Variants in PRSS23 observed in about 807,000 individuals in gnomAD.
PRSS23 encodes the protein serine protease 23.
Under a neutral mutation model 34.7 loss-of-function variants are expected in PRSS23, and 25 were observed. The ratio of observed to expected loss-of-function variants is 0.72; its 90% confidence interval spans 0.53 to 1.01. The LOEUF is 1.01. Ranked by LOEUF, PRSS23 falls within the 50% of genes least tolerant of loss-of-function variation. The probability of loss-of-function intolerance (pLI) is 0.00; values close to 1 mark genes in which losing one functional copy is unlikely to be tolerated. For synonymous variants in PRSS23, 176 were observed against 186.6 expected, an observed-to-expected ratio of 0.94 and a Z score of 0.46; for missense variants, 445 against 475.6, an observed-to-expected ratio of 0.94 and a Z score of 0.60.
At chr11:86,882,660 C>T (rs1445098070) in intron 2 of PRSS23, among the ~76,000 whole-genome samples, 2 of 152,166 alleles carry the variant, frequency 1.3e-5, no homozygotes, top group South Asian at 2.1e-4. Flanking sequence ...CTGCAATGAA[C>T]ATACATGTAC....
chr11:86,841,367 A>G (rs1456670309), intron 2 of PRSS23, among the ~76,000 whole-genome samples: 1 of 151,134 alleles, frequency 6.6e-6, no homozygotes, highest in Non-Finnish European at 1.5e-5. Flanking sequence ...AAGAAAAAAA[A>G]AAAAGAACAA....
At chr11:86,872,981 CTCA>C (rs2134949465) in intron 2 of PRSS23, among the ~76,000 whole-genome samples, 1 of 152,160 alleles carries the variant, frequency 6.6e-6, no homozygotes, top group Admixed American at 6.5e-5. Context: ...GAACTCAGTT[CTCA>C]TCATTCAATG....
At position 86,810,677 on chromosome 11, in the gene PRSS23, C is replaced by T. The variant is rs920455187; in HGVS notation, c.*1882C>T. Reference sequence around the variant, plus strand: ...AAATAGATGTTCCTTTTGTGAAGCACCTTGATTCCTTGATTTTGATTTTTT... The same window carrying T: ...AAATAGATGTTCCTTTTGTGAAGCATCTTGATTCCTTGATTTTGATTTTTT... On this transcript the variant is annotated 3_prime_UTR_variant, in exon 2 of 2. Coordinates refer to ENST00000280258, the MANE Select transcript of PRSS23 (RefSeq NM_007173.6). The T allele has an allele frequency of 6.0e-6, 1 of 166,908 alleles. No homozygotes were observed. The highest frequency in any genetic ancestry group is 2.4e-5 in the African/African-American group (1 of 41,392). 10.3% of individuals were successfully genotyped at this position (166,908 alleles called of 1,614,324 possible).
intron 2 of PRSS23, among the ~76,000 whole-genome samples, chr11:86,863,516 A>G (rs1327355870): frequency 6.6e-6 from 1 of 152,210 alleles, no homozygotes; most frequent in African/African-American, 2.4e-5. Flanking sequence ...TCAGTCTACT[A>G]CATTCCTTGC....
chr11:86,845,553 G>A (rs1010253209), intron 2 of PRSS23, among the ~76,000 whole-genome samples: 1 of 152,192 alleles, frequency 6.6e-6, no homozygotes, highest in African/African-American at 2.4e-5. Flanking sequence ...GAGAGGAGGT[G>A]CCAGCTGGGC....
chr11:86,895,420 T>G (rs570907102), intron 2 of PRSS23, among the ~76,000 whole-genome samples: 6 of 151,902 alleles, frequency 3.9e-5, no homozygotes, highest in Admixed American at 6.6e-5. Flanking sequence ...TCATTAATAT[T>G]AGAATACTAA....
chr11:86,830,329 T>G (rs565719042), intron 2 of PRSS23, among the ~76,000 whole-genome samples: 25 of 152,332 alleles, frequency 1.6e-4, no homozygotes, highest in African/African-American at 6.0e-4. Flanking sequence ...TGCATCGTTT[T>G]TTAAGCCTGT....
At position 86,833,435 on chromosome 11, in the gene PRSS23, C is replaced by G. The variant is rs1359511597; in HGVS notation, c.206+9842C>G. The G allele has an allele frequency of 7.3e-6, 4 of 549,714 alleles. No individual in the cohort carries two copies. The Admixed American group carries it at 8.8e-5, about 12-fold the overall frequency. The allele number at this position is 549,714 out of a possible 1,614,324, so 34.1% of individuals were successfully genotyped here. The stretch of plus-strand genomic sequence containing the variant: ...AGTTCTAGGAGGAGGAATTTTGAAG[C>G]ATCTGTTAGATTCTGTGGGTCTGTA... On this transcript the variant is annotated intron_variant, in intron 2 of 2. Transcript: ENST00000533902.
At chr11:86,849,221 T>C (rs1948511482) in intron 2 of PRSS23, among the ~76,000 whole-genome samples, 1 of 152,170 alleles carries the variant, frequency 6.6e-6, no homozygotes, top group Admixed American at 6.5e-5. Context: ...TCAAAGTCCA[T>C]TACTATCTGA....
chr11:86,850,617 T>C (rs1948521890), intron 2 of PRSS23, among the ~76,000 whole-genome samples: 1 of 152,166 alleles, frequency 6.6e-6, no homozygotes. Flanking sequence ...GCAAAAATTT[T>C]GCTGTAAGTA....
chr11:86,852,218 C>T (rs1041904153), intron 2 of PRSS23, among the ~76,000 whole-genome samples: 1 of 152,180 alleles, frequency 6.6e-6, no homozygotes, highest in African/African-American at 2.4e-5. Flanking sequence ...CAGGGTGAGA[C>T]ATGAGCCTCC....
chr11:86,852,672 C>G (rs1215415689), intron 2 of PRSS23, among the ~76,000 whole-genome samples: 2 of 152,122 alleles, frequency 1.3e-5, no homozygotes, highest in Non-Finnish European at 2.9e-5. Context: ...CATTGTTTAG[C>G]AACCATCACC....
rs760352049 is a variant in PRSS23, at chr11:86,808,285, C to A, written c.642C>A (p.Pro214=). Residue 214 remains proline (P), a synonymous_variant, in exon 2 of 2, where the codon CCC becomes CCA. Transcript: ENST00000280258. ...CCAACGACTCCACTTCAGCCATGCCCGAGCAGATGAAATTTCAGTGGATCC... is the reference window on the plus strand; with the variant it reads ...CCAACGACTCCACTTCAGCCATGCCAGAGCAGATGAAATTTCAGTGGATCC... ...RGANDSTSAM[P]EQMKFQWIRV... is the part of the protein sequence containing the mutation. 3 of 1,613,894 alleles carry A rather than the reference C, an allele frequency of 1.9e-6. No individual in the cohort carries two copies. The highest frequency in any genetic ancestry group is 1.3e-5 in the African/African-American group (1 of 74,916).
At chr11:86,830,823 A>G (rs1395320798) in intron 2 of PRSS23, among the ~76,000 whole-genome samples, 2 of 152,112 alleles carry the variant, frequency 1.3e-5, no homozygotes, top group South Asian at 2.1e-4. Flanking sequence ...ACACCCTGTG[A>G]TATTATTCAT....
intron 2 of PRSS23, among the ~76,000 whole-genome samples, chr11:86,855,772 A>T (rs576592353): frequency 6.8e-4 from 104 of 152,340 alleles, no homozygotes; most frequent in Non-Finnish European, 1.4e-3. Context: ...AAGTGCTGGG[A>T]TAACAGACAT....
upstream of PRSS23, among the ~76,000 whole-genome samples, chr11:86,798,753 G>A (rs977395940): frequency 1.6e-4 from 25 of 152,296 alleles, no homozygotes; most frequent in African/African-American, 5.5e-4. Flanking sequence ...GGAGTGCAGT[G>A]GTGATCATAG....
At chr11:86,870,514 A>G (rs1278728477) in intron 2 of PRSS23, among the ~76,000 whole-genome samples, 1 of 152,162 alleles carries the variant, frequency 6.6e-6, no homozygotes, top group African/African-American at 2.4e-5. Context: ...AAGTCAGGAA[A>G]AGCTTCTGCT....
At chr11:86,817,507 C>T (rs1488301783) in intron 1 of PRSS23, among the ~76,000 whole-genome samples, 1 of 152,176 alleles carries the variant, frequency 6.6e-6, no homozygotes, top group African/African-American at 2.4e-5. Context: ...TGGATTGTCA[C>T]CGTATTCTAG....
intron 2 of PRSS23, chr11:86,934,562 C>G (rs1287919109): frequency 6.6e-6 from 1 of 152,150 alleles, no homozygotes; most frequent in African/African-American, 2.4e-5. Flanking sequence ...GGAGAAGTAT[C>G]TTTTAAGCTC....
Sources: allele counts gnomAD v4.1 joint callset (sites outside exome capture counted in the v4.1 genomes callset), GRCh38; gene constraint gnomAD v4.1.1; transcripts MANE v1.5; gene names NCBI Gene and HGNC (gene_info 2026-07-23, HGNC 2026-07-21).